ANKRD30A: variants seen among roughly 807,000 people sequenced by gnomAD.
The protein encoded by ANKRD30A is ankyrin repeat domain 30A, also known as ankyrin repeat domain-containing protein 30A.
In ANKRD30A, 170 loss-of-function variants were observed where a neutral mutation model predicts 166.3. The ratio of observed to expected loss-of-function variants is 1.02; its 90% CI spans 0.90 to 1.16. The LOEUF (loss-of-function observed/expected upper bound fraction) is 1.16, where lower values mean the gene tolerates loss of function less well. Ranked by LOEUF, ANKRD30A falls within the 50% of genes most tolerant of loss-of-function variation. The probability of loss-of-function intolerance (pLI) is 0.00; values close to 1 mark genes in which losing one functional copy is unlikely to be tolerated. For synonymous variants in ANKRD30A, 564 were observed against 508.9 expected (o/e 1.11, Z -1.46); for missense variants, 1,630 against 1,518.0 (o/e 1.07, Z -1.23).
Position 37,130,498 on chromosome 10 carries a change from GAACTT to G in ANKRD30A, c.510+123_510+127del, listed in dbSNP as rs1299820867. 14 of 717,240 alleles carry G rather than the reference GAACTT, an allele frequency of 2.0e-5. No individual in the cohort carries two copies. The African/African-American group carries it at 2.2e-4, about 11-fold the overall frequency. The allele number at this position is 717,240 out of a possible 1,614,324, so 44.4% of individuals were successfully genotyped here. ...TTCCTTGAATGAAAATAGTTTGAAA[GAACTT>G]AATTGTCTAAGATTTTACTTTAAAT... On this transcript the variant is annotated intron_variant, in intron 3 of 35. Transcript: ENST00000361713.
the ANKRD30A span, among the ~76,000 whole-genome samples, chr10:37,263,585 C>T: frequency 6.6e-6 from 1 of 151,878 alleles, no homozygotes; most frequent in African/African-American, 2.4e-5. Context: ...TTCGCATGCG[C>T]AGTTCTCAAT....
At chr10:37,202,773 C>T (rs1449175472) in intron 31 of ANKRD30A, among the ~76,000 whole-genome samples, 1 of 151,916 alleles carries the variant, frequency 6.6e-6, no homozygotes, top group Admixed American at 6.6e-5. Context: ...TGAGAAGAAT[C>T]AAATAGACAC....
intron 12 of ANKRD30A, 129 bp downstream of exon 12, chr10:37,152,250 A>G: frequency 1.3e-6 from 1 of 743,732 alleles, no homozygotes; most frequent in Non-Finnish European, 2.2e-6. Flanking sequence ...TATTTTTCAG[A>G]ATATGCTTAA....
At chr10:37,143,092 T>C (rs1837266859) in intron 7 of ANKRD30A, among the ~76,000 whole-genome samples, 1 of 152,210 alleles carries the variant, frequency 6.6e-6, no homozygotes, top group Non-Finnish European at 1.5e-5. Context: ...GGAAAGCAAA[T>C]GTAATTACTG....
chr10:37,205,616 C>T (rs1331212865), intron 31 of ANKRD30A, among the ~76,000 whole-genome samples: 1 of 151,772 alleles, frequency 6.6e-6, no homozygotes, highest in Non-Finnish European at 1.5e-5. Flanking sequence ...AAAAAAATTT[C>T]CACCCGTACT....
rs185702823 is a variant in ANKRD30A at position 37,137,290 on chromosome 10, G to A, written c.820+619G>A. On this transcript the variant is annotated intron_variant, in intron 6 of 35. Transcript: ENST00000361713. ...ACAGCTCCAGTCTACAGCTCCCAGC[G>A]TGAGCAACGCAGAAAGGGATGGGTG... Among the ~76,000 whole-genome samples, 45 of 152,282 alleles carry A rather than the reference G, an allele frequency of 3.0e-4. 1 individual carries two copies. The highest frequency in any genetic ancestry group is 3.4e-3 in the Middle Eastern group (1 of 294).
At chr10:37,127,602 G>A (rs1836131517) in intron 1 of ANKRD30A, among the ~76,000 whole-genome samples, 1 of 152,058 alleles carries the variant, frequency 6.6e-6, no homozygotes, top group Non-Finnish European at 1.5e-5. Flanking sequence ...TTAAAATTGG[G>A]AAATTTAAAT....
chr10:37,152,729 A>C (rs776063625), intron 12 of ANKRD30A, among the ~76,000 whole-genome samples: 16 of 152,104 alleles, frequency 1.1e-4, no homozygotes, highest in Non-Finnish European at 2.4e-4. Context: ...GAACTCCTTG[A>C]GTCCTCTTAT....
At position 37,137,185 on chromosome 10, in the gene ANKRD30A, G is replaced by A. The variant is rs1339253018; in HGVS notation, c.820+514G>A. On this transcript the variant is annotated intron_variant, in intron 6 of 35. Coordinates refer to ENST00000361713, the MANE Select transcript of ANKRD30A (RefSeq NM_052997.3). ...AATTATAAAGTAGCTTACATGCCCT[G>A]AATTACAAGCCACAAATAATTGAAC... Among the ~76,000 whole-genome samples the A allele has an allele frequency of 2.6e-5, 4 of 152,060 alleles. No homozygotes were observed. In the East Asian group the frequency reaches 5.8e-4, roughly 22 times the overall value.
the ANKRD30A span, among the ~76,000 whole-genome samples, chr10:37,239,369 A>G: frequency 6.6e-6 from 1 of 152,148 alleles, no homozygotes; most frequent in Non-Finnish European, 1.5e-5. Flanking sequence ...ATAAAGAAAT[A>G]TCAATCATAA....
At chr10:37,239,986 C>T in the ANKRD30A span, among the ~76,000 whole-genome samples, 2 of 151,954 alleles carry the variant, frequency 1.3e-5, no homozygotes, top group African/African-American at 4.8e-5. Context: ...GAGAAAGGTA[C>T]ATTGCAAAAT....
At chr10:37,164,554 C>T (rs1174039516) in intron 17 of ANKRD30A, among the ~76,000 whole-genome samples, 1 of 152,010 alleles carries the variant, frequency 6.6e-6, no homozygotes, top group Non-Finnish European at 1.5e-5. Flanking sequence ...TATACACACG[C>T]AAAACACACC....
At chr10:37,198,050 T>C (rs1410012433) in intron 29 of ANKRD30A, among the ~76,000 whole-genome samples, 1 of 152,202 alleles carries the variant, frequency 6.6e-6, no homozygotes, top group East Asian at 1.9e-4. Context: ...TTCATTTCTT[T>C]GTGAATATTT....
At chr10:37,131,981 G>C (rs1024146076) in intron 3 of ANKRD30A, among the ~76,000 whole-genome samples, 6 of 152,146 alleles carry the variant, frequency 3.9e-5, no homozygotes, top group African/African-American at 1.4e-4. Flanking sequence ...AGAAGCTCTT[G>C]GTTTAGATGG....
chr10:37,252,409 T>C, the ANKRD30A span, among the ~76,000 whole-genome samples: 2 of 152,234 alleles, frequency 1.3e-5, no homozygotes, highest in Non-Finnish European at 2.9e-5. Flanking sequence ...ATGTTTTATA[T>C]ACTAAAATAA....
Position 37,158,390 on chromosome 10 carries a change from A to G in ANKRD30A, c.1799-2A>G. The G allele has an allele frequency of 6.2e-7, 1 of 1,608,664 alleles. No individual in the cohort carries two copies. Among genetic ancestry groups the G allele is most frequent in the South Asian group, 1.1e-5 (1 of 90,788 alleles). ...CAATTATGTATGTCCCTTTTCTTAT[A>G]GAGTCTCCTAATAAAGATGGTCTTC... On this transcript the variant is annotated splice_acceptor_variant, in intron 13 of 35. Coordinates refer to ENST00000361713, the MANE Select transcript of ANKRD30A (RefSeq NM_052997.3). LOFTEE classifies it high-confidence loss of function.
rs547677041 is a variant in ANKRD30A, at chr10:37,218,223, A to G, written c.3267+345A>G. Among the ~76,000 whole-genome samples the G allele has an allele frequency of 2.8e-4, 42 of 151,052 alleles. 2 individuals carry two copies. The South Asian group carries it at 8.1e-3, about 29-fold the overall frequency. On this transcript the variant is annotated intron_variant, in intron 33 of 35. Transcript: ENST00000361713. ...ATTATCAAGAGGAAGCAAAAGTTAC[A>G]GCCATAGTAAATAAGCTCATGGTTT...
chr10:37,190,282 G>A (rs1367476848), intron 25 of ANKRD30A, among the ~76,000 whole-genome samples: 7 of 151,858 alleles, frequency 4.6e-5, no homozygotes, highest in African/African-American at 1.5e-4. Flanking sequence ...TGATGCTGAT[G>A]CTGGTGGTCC....
rs1842692285 is a variant in ANKRD30A at position 37,217,982 on chromosome 10, A to G, written c.3267+104A>G. ...TATGTATTATTCAGGTCTAAATCAA[A>G]CAAAAATGTTGTCTTAAAATTAACT... is the stretch of plus-strand genomic sequence containing the variant. On this transcript the variant is annotated intron_variant, in intron 33 of 35. Coordinates refer to ENST00000361713, the MANE Select transcript of ANKRD30A (RefSeq NM_052997.3). The G allele has an allele frequency of 7.8e-6, 6 of 773,140 alleles. No individual in the cohort carries two copies. In the South Asian group the frequency reaches 1.8e-4, roughly 24 times the overall value. 47.9% of individuals were successfully genotyped at this position (773,140 alleles called of 1,614,324 possible). A position where few individuals can be genotyped will look rare whatever the true frequency, so the allele number is the denominator to read the frequency against.
Sources: gnomAD v4.1 joint callset for allele counts (sites outside exome capture counted in the v4.1 genomes callset) on GRCh38, gnomAD v4.1.1 for gene constraint, MANE v1.5 for transcripts, NCBI Gene and HGNC (gene_info 2026-07-23, HGNC 2026-07-21) for gene names.